CCSER1: variants seen among roughly 807,000 people sequenced by gnomAD.
The protein encoded by CCSER1 is serine-rich coiled-coil domain-containing protein 1.
CCSER1 carries 41 observed loss-of-function variants against 82.0 expected under a neutral mutation model. The ratio of observed to expected loss-of-function variants is 0.50; its 90% CI spans 0.39 to 0.65. CCSER1 has a LOEUF of 0.65. CCSER1 is among the 30% of genes least tolerant of loss of function. The pLI is 0.00. For synonymous variants in CCSER1, 414 were observed against 383.9 expected (o/e 1.08, Z -0.92); for missense variants, 1,119 against 1,064.2 (o/e 1.05, Z -0.72).
chr4:90,883,968 C>G (rs1041425258), intron 8 of CCSER1, among the ~76,000 whole-genome samples: 2 of 152,064 alleles, frequency 1.3e-5, no homozygotes, highest in African/African-American at 4.8e-5. Flanking sequence ...AAGGTGACCT[C>G]TAATATAAGG....
At chr4:90,794,522 G>A (rs186562448) in intron 7 of CCSER1, among the ~76,000 whole-genome samples, 2 of 152,242 alleles carry the variant, frequency 1.3e-5, no homozygotes, top group African/African-American at 4.8e-5. Flanking sequence ...ATTGGTCTAA[G>A]TGTCTGTTTT....
chr4:91,493,826 A>G (rs530887947), intron 10 of CCSER1, among the ~76,000 whole-genome samples: 26 of 151,828 alleles, frequency 1.7e-4, no homozygotes, highest in African/African-American at 5.8e-4. Flanking sequence ...AATTTTTTTT[A>G]AAAAAAGTTT....
At chr4:90,982,912 C>A (rs1561444346) in intron 9 of CCSER1, among the ~76,000 whole-genome samples, 1 of 151,740 alleles carries the variant, frequency 6.6e-6, no homozygotes, top group Non-Finnish European at 1.5e-5. Flanking sequence ...ACCAGTGAAC[C>A]CATACTCACT....
At chr4:91,252,202 T>A (rs1581845934) in intron 10 of CCSER1, among the ~76,000 whole-genome samples, 1 of 151,922 alleles carries the variant, frequency 6.6e-6, no homozygotes, top group East Asian at 1.9e-4. Context: ...GAAAAAAAAA[T>A]TGTTGTCAAC....
At chr4:91,331,719 GATAA>G (rs1478546118) in intron 10 of CCSER1, among the ~76,000 whole-genome samples, 2 of 152,064 alleles carry the variant, frequency 1.3e-5, no homozygotes, top group African/African-American at 4.8e-5. Context: ...GATGTCAATT[GATAA>G]ATACAGTGCC....
chr4:90,449,721 G>A (rs1265700333), intron 4 of CCSER1, among the ~76,000 whole-genome samples: 8 of 152,212 alleles, frequency 5.3e-5, no homozygotes, highest in South Asian at 2.1e-4. Context: ...ACTTTGCTCC[G>A]AAATCAGAGC....
At chr4:90,509,083 C>T (rs1021417779) in intron 5 of CCSER1, among the ~76,000 whole-genome samples, 1 of 151,958 alleles carries the variant, frequency 6.6e-6, no homozygotes, top group Non-Finnish European at 1.5e-5. Context: ...AGGTGGAAAT[C>T]GCAATCATAG....
rs141436562 is a variant in CCSER1 at position 91,118,766 on chromosome 4, C to G, written c.2217+32772C>G. On this transcript the variant is annotated intron_variant, in intron 10 of 10. Transcript: ENST00000509176. ...TCTGTCTCTTTTGCATAATATCTAA[C>G]TTGCAACTTTCTCAATGACATAAGT... Among the ~76,000 whole-genome samples the G allele has an allele frequency of 1.5e-3, 229 of 152,280 alleles. 1 individual carries two copies. Among genetic ancestry groups the G allele is most frequent in the Admixed American group, 5.2e-3 (79 of 15,292 alleles).
At chr4:90,847,937 A>G (rs1419485883) in intron 8 of CCSER1, among the ~76,000 whole-genome samples, 1 of 152,144 alleles carries the variant, frequency 6.6e-6, no homozygotes, top group Non-Finnish European at 1.5e-5. Context: ...GATATATGTA[A>G]GCATACATAT....
At chr4:90,759,098 A>T (rs1697709613) in intron 7 of CCSER1, among the ~76,000 whole-genome samples, 1 of 152,072 alleles carries the variant, frequency 6.6e-6, no homozygotes, top group South Asian at 2.1e-4. Flanking sequence ...AAATTCGAAG[A>T]TCCATTATTA....
intron 10 of CCSER1, among the ~76,000 whole-genome samples, chr4:91,305,763 C>T (rs1486478570): frequency 6.6e-6 from 1 of 151,542 alleles, no homozygotes; most frequent in Non-Finnish European, 1.5e-5. Context: ...GTTCAATGGA[C>T]TCATAGTTCC....
At chr4:90,825,133 G>C (rs1463635528) in intron 8 of CCSER1, among the ~76,000 whole-genome samples, 2 of 152,102 alleles carry the variant, frequency 1.3e-5, no homozygotes, top group African/African-American at 4.8e-5. Context: ...TTATCACAAA[G>C]GGTTGTTATA....
chr4:90,414,376 A>T (rs1755479514), intron 4 of CCSER1, among the ~76,000 whole-genome samples: 1 of 151,894 alleles, frequency 6.6e-6, no homozygotes, highest in East Asian at 1.9e-4. Context: ...GAAATAATAC[A>T]CATTATGTTT....
At chr4:90,877,356 A>G (rs1319726742) in intron 8 of CCSER1, among the ~76,000 whole-genome samples, 1 of 152,076 alleles carries the variant, frequency 6.6e-6, no homozygotes, top group Non-Finnish European at 1.5e-5. Flanking sequence ...AATCTGCTTT[A>G]CCTCACTTTA....
intron 6 of CCSER1, among the ~76,000 whole-genome samples, chr4:90,650,075 G>A (rs1728435755): frequency 6.6e-6 from 1 of 152,068 alleles, no homozygotes. Flanking sequence ...AAATTAGCCG[G>A]GCATGGTGGC....
chr4:90,520,329 T>C (rs1772915177), intron 5 of CCSER1, among the ~76,000 whole-genome samples: 1 of 152,008 alleles, frequency 6.6e-6, no homozygotes, highest in African/African-American at 2.4e-5. Flanking sequence ...AAAATAGATA[T>C]TCTTTTTCAT....
intron 10 of CCSER1, among the ~76,000 whole-genome samples, chr4:91,450,640 T>C (rs984848337): frequency 1.3e-5 from 2 of 151,984 alleles, no homozygotes; most frequent in African/African-American, 4.8e-5. Context: ...TCTCCTTCAT[T>C]GAGGAGACAG....
chr4:91,595,804 G>A (rs553680016), intron 10 of CCSER1, among the ~76,000 whole-genome samples: 1 of 151,874 alleles, frequency 6.6e-6, no homozygotes, highest in African/African-American at 2.4e-5. Context: ...CTTGTCCTCA[G>A]TGTGGCCAAT....
intron 3 of CCSER1, among the ~76,000 whole-genome samples, chr4:90,320,204 T>C (rs1561022261): frequency 6.6e-6 from 1 of 152,152 alleles, no homozygotes; most frequent in Non-Finnish European, 1.5e-5. Flanking sequence ...GGTGGAAAAA[T>C]AGGCATCTAA....
Sources: allele counts gnomAD v4.1 joint callset (sites outside exome capture counted in the v4.1 genomes callset), GRCh38; gene constraint gnomAD v4.1.1; transcripts MANE v1.5; gene names NCBI Gene and HGNC (gene_info 2026-07-23, HGNC 2026-07-21).